PDE2A: variants seen among roughly 807,000 people sequenced by gnomAD.
The protein encoded by PDE2A is phosphodiesterase 2A.
In PDE2A, 53 loss-of-function variants were observed where a neutral mutation model predicts 133.6. The observed-to-expected ratio is 0.40, with a 90% CI of 0.32 to 0.50. The LOEUF (loss-of-function observed/expected upper bound fraction) is 0.50. Ranked by LOEUF, PDE2A falls within the 20% of genes least tolerant of loss-of-function variation. The probability of loss-of-function intolerance (pLI) is 0.73; values close to 1 mark genes in which losing one functional copy is unlikely to be tolerated. For synonymous variants in PDE2A, 491 were observed against 490.2 expected (o/e 1.00, Z -0.02); for missense variants, 796 against 1,232.4 (o/e 0.65, Z 5.30).
chr11:72,652,847 C>T (rs1854780675), intron 1 of PDE2A, among the ~76,000 whole-genome samples: 1 of 152,328 alleles, frequency 6.6e-6, no homozygotes, highest in Middle Eastern at 3.4e-3. Context: ...CCTTCCTTGG[C>T]TTCAGGGCTG....
Position 72,649,624 on chromosome 11 carries a change from C to T in PDE2A, c.72-7298G>A, listed in dbSNP as rs117129913. Among the ~76,000 whole-genome samples the T allele has an allele frequency of 6.5e-3, 984 of 152,344 alleles. 3 individuals carry two copies. The highest frequency in any genetic ancestry group is 0.017 in the South Asian group (84 of 4,826). On this transcript the variant is annotated intron_variant, in intron 1 of 30. Transcript: ENST00000334456. The stretch of plus-strand genomic sequence containing the variant: ...TTGTCTCAGGGAAGTGGCCTCCAGA[C>T]TGCTTCCTCTGCCCCATCTGAACCC...
intron 2 of PDE2A, among the ~76,000 whole-genome samples, chr11:72,626,156 G>A (rs1299598846): frequency 6.6e-6 from 1 of 152,254 alleles, no homozygotes; most frequent in Admixed American, 6.5e-5. Flanking sequence ...CTGGGTATAA[G>A]TCCCCGGTGC....
intron 2 of PDE2A, among the ~76,000 whole-genome samples, chr11:72,620,679 C>G (rs1441283606): frequency 6.6e-6 from 1 of 152,126 alleles, no homozygotes; most frequent in Non-Finnish European, 1.5e-5. Context: ...GGGACCAGAT[C>G]CCCTACTGGT....
chr11:72,582,109 GCA>G, intron 21 of PDE2A, 162 bp from the exon 22 acceptor site: 1 of 640,688 alleles, frequency 1.6e-6, no homozygotes, highest in Non-Finnish European at 2.8e-6. Flanking sequence ...TCGGAGCTAT[GCA>G]TTTTTAGAGA....
intron 21 of PDE2A, 152 bp downstream of exon 21, chr11:72,582,292 A>T: frequency 1.3e-6 from 1 of 755,622 alleles, no homozygotes; most frequent in Non-Finnish European, 2.1e-6. Flanking sequence ...TGGCTTCCTG[A>T]TGGCAGACTA....
intron 1 of PDE2A, among the ~76,000 whole-genome samples, chr11:72,650,205 T>C (rs1854692719): frequency 6.6e-6 from 1 of 152,036 alleles, no homozygotes; most frequent in Admixed American, 6.5e-5. Context: ...TATTTTTTGG[T>C]AGAGGCAGGG....
chr11:72,668,919 C>G (rs548800166), intron 1 of PDE2A: 2 of 1,030,316 alleles, frequency 1.9e-6, no homozygotes, highest in African/African-American at 3.4e-5. Context: ...CAGCCCTGAG[C>G]TCCTAGCTCT....
At chr11:72,605,107 G>A (rs756016045) in intron 4 of PDE2A, 31 bp downstream of exon 4, 18 of 1,435,264 alleles carry the variant, frequency 1.3e-5, no homozygotes, top group Non-Finnish European at 1.8e-5. Context: ...GGCCATGCAA[G>A]AGGGCAATGG....
chr11:72,628,886 C>T (rs183301840), intron 2 of PDE2A, among the ~76,000 whole-genome samples: 17 of 152,354 alleles, frequency 1.1e-4, no homozygotes, highest in African/African-American at 3.6e-4. Context: ...GGTCCCCACT[C>T]TCTCCAGTCT....
chr11:72,654,215 G>A (rs1591132899), intron 1 of PDE2A, among the ~76,000 whole-genome samples: 1 of 152,200 alleles, frequency 6.6e-6, no homozygotes, highest in East Asian at 1.9e-4. Flanking sequence ...ACCCAGCGCT[G>A]GGACCAGGGG....
Position 72,578,860 on chromosome 11 carries a change from G to T in PDE2A, c.2469+37C>A. Reference sequence around the variant, plus strand: ...GGGGGCACCCAAAGCTGGGCAGGGTGGGCAGCCTGTGCCTTCCCAGGGAGG... The same window carrying T: ...GGGGGCACCCAAAGCTGGGCAGGGTTGGCAGCCTGTGCCTTCCCAGGGAGG... On this transcript the variant is annotated intron_variant, in intron 28 of 30. Coordinates refer to ENST00000334456, the MANE Select transcript of PDE2A (RefSeq NM_002599.5). This position sits in a 1 kb window ranked among gnomAD's most constrained non-coding sequence, Gnocchi z 4.2. 7.5e-7 allele frequency: 1 copy of T among 1,326,210 alleles called. No individual in the cohort carries two copies. Among genetic ancestry groups the T allele is most frequent in the Non-Finnish European group, 1.1e-6 (1 of 919,584 alleles). 82.2% of individuals were successfully genotyped at this position (1,326,210 alleles called of 1,614,324 possible).
At position 72,623,752 on chromosome 11, in the gene PDE2A, A is replaced by T. The variant is rs111512400; in HGVS notation, c.145-15001T>A. ...TGTTCTCTGGTTTTCCCTCTTGCTC[A>T]TCTTCTCATTTATCAGCAAGTTCTG... On this transcript the variant is annotated intron_variant, in intron 2 of 30. Transcript: ENST00000334456. Among the ~76,000 whole-genome samples the T allele has an allele frequency of 9.5e-3, 1,448 of 152,010 alleles. 22 individuals carry two copies. The highest frequency in any genetic ancestry group is 0.034 in the African/African-American group (1,399 of 41,424).
intron 1 of PDE2A, among the ~76,000 whole-genome samples, chr11:72,654,196 C>T (rs1190871497): frequency 1.3e-5 from 2 of 152,336 alleles, no homozygotes; most frequent in South Asian, 2.1e-4. Context: ...CGGTAGAACA[C>T]AGCCGCCCAC....
At chr11:72,579,184 G>A in intron 27 of PDE2A, 100 bp downstream of exon 27, 2 of 1,009,990 alleles carry the variant, frequency 2.0e-6, no homozygotes, top group South Asian at 1.3e-5. Context: ...AAGGGTTGAT[G>A]TTGCAGGGGA....
At chr11:72,642,566 C>T (rs547602295) in intron 1 of PDE2A, 4 of 221,416 alleles carry the variant, frequency 1.8e-5, no homozygotes, top group Non-Finnish European at 3.0e-5. Context: ...CCGTCGGATC[C>T]TCCGACCCCA....
intron 4 of PDE2A, among the ~76,000 whole-genome samples, chr11:72,604,295 CCCGAG>C (rs1433418555): frequency 6.6e-6 from 1 of 152,262 alleles, no homozygotes; most frequent in African/African-American, 2.4e-5. Context: ...AGTCAGAAGA[CCCGAG>C]TCCTAGGCCT....
chr11:72,595,337 C>G (rs1374212951), intron 6 of PDE2A, among the ~76,000 whole-genome samples: 1 of 152,170 alleles, frequency 6.6e-6, no homozygotes, highest in Non-Finnish European at 1.5e-5. Context: ...CTGACCAGCC[C>G]TGGGGCAGAC....
chr11:72,661,014 G>A (rs959518559), intron 1 of PDE2A, among the ~76,000 whole-genome samples: 2 of 152,130 alleles, frequency 1.3e-5, no homozygotes, highest in Non-Finnish European at 2.9e-5. Context: ...GGGTTTCAAT[G>A]TCTTCTGAGG....
In PDE2A at chr11:72,597,481, C is replaced by G. The variant is rs1049921643; in HGVS notation, c.433+29G>C. The G allele has an allele frequency of 7.2e-7, 1 of 1,384,384 alleles. No homozygotes were observed. 85.8% of individuals were successfully genotyped at this position (1,384,384 alleles called of 1,614,324 possible). A position where few individuals can be genotyped will look rare whatever the true frequency, so the allele number is the denominator to read the frequency against. ...GCCACAGTCCCTCCCTGCCCCTGCC[C>G]CTGCCCCTGCCCAGCCCCTAGCCCT... On this transcript the variant is annotated intron_variant, in intron 5 of 30. Coordinates refer to ENST00000334456, the MANE Select transcript of PDE2A (RefSeq NM_002599.5). The surrounding 1 kb of genome is among the most constrained non-coding windows in gnomAD (Gnocchi z 4.6).
Sources: allele counts gnomAD v4.1 joint callset (sites outside exome capture counted in the v4.1 genomes callset), GRCh38; gene constraint gnomAD v4.1.1; non-coding constraint Gnocchi (gnomAD v3.1); transcripts MANE v1.5; gene names NCBI Gene and HGNC (gene_info 2026-07-23, HGNC 2026-07-21).